Variants in NHS observed in about 807,000 individuals in gnomAD.
NHS encodes the protein actin remodeling regulator NHS.
NHS carries 5 observed loss-of-function variants against 72.5 expected under a neutral mutation model. The ratio of observed to expected loss-of-function variants is 0.07; its 90% CI spans 0.04 to 0.14. The LOEUF is 0.14. Among genes scored for constraint, NHS ranks in the 10% least tolerant of loss-of-function variants. NHS has a pLI of 1.00. For missense variants in NHS, 1,072 were observed against 1,355.7 expected (o/e 0.79, Z 3.29); for synonymous variants, 464 against 547.7 (o/e 0.85, Z 2.13).
At chrX:17,513,125 C>T (rs183060916) in intron 1 of NHS, among the ~76,000 whole-genome samples, 101 of 111,885 alleles carry the variant, frequency 9.0e-4, no homozygotes, top group Non-Finnish European at 1.6e-3. Context: ...CAGATTATTA[C>T]GAGCTGAAGC....
chrX:17,510,246 C>T (rs1374051148), intron 1 of NHS, among the ~76,000 whole-genome samples: 1 of 112,490 alleles, frequency 8.9e-6, no homozygotes, highest in Non-Finnish European at 1.9e-5. Context: ...ATCAAGTGAG[C>T]AGAAAGAGCT....
At position 17,376,289 on chromosome X, in the gene NHS, C is replaced by T; in HGVS notation, c.532C>T (p.Leu178Phe). Residue 178 changes from leucine to phenylalanine, a missense_variant, in exon 1 of 9, where the codon CTC becomes TTC. By Grantham distance (22) the Leu-to-Phe change is conservative. Coordinates refer to ENST00000676302, the MANE Select transcript of NHS (RefSeq NM_001291867.2). The part of the protein sequence containing the change: ...QGKLGGVQRV[L>F]STLDPKQEAV... The stretch of plus-strand genomic sequence containing the variant: ...CAAGCTCGGCGGCGTGCAGCGCGTC[C>T]TCAGCACGCTTGACCCTAAGCAGGA... The T allele has an allele frequency of 4.3e-6, 5 of 1,157,797 alleles. No homozygotes were observed. The highest frequency in any genetic ancestry group is 1.9e-5 in the South Asian group (1 of 52,833).
At chrX:17,547,366 A>G (rs2065298734) in intron 1 of NHS, among the ~76,000 whole-genome samples, 1 of 111,471 alleles carries the variant, frequency 9.0e-6, no homozygotes, top group African/African-American at 3.3e-5. Context: ...TTTTTCGTGT[A>G]TTGAGCATCA....
chrX:17,637,245 A>G (rs189292434), intron 1 of NHS, among the ~76,000 whole-genome samples: 51 of 112,007 alleles, frequency 4.6e-4, no homozygotes, highest in African/African-American at 1.6e-3. Context: ...GTAATGGGAG[A>G]GTACCAAAGA....
At chrX:17,605,467 C>T (rs2065674123) in intron 1 of NHS, among the ~76,000 whole-genome samples, 1 of 111,468 alleles carries the variant, frequency 9.0e-6, no homozygotes, top group African/African-American at 3.3e-5. Flanking sequence ...GCTTCGTTAA[C>T]TTAGATTTTC....
chrX:17,638,000 A>G (rs756673696), intron 1 of NHS, among the ~76,000 whole-genome samples: 95 of 111,901 alleles, frequency 8.5e-4, no homozygotes, highest in Middle Eastern at 4.6e-3. Flanking sequence ...ATGTGACTCA[A>G]ATTTCAGGCT....
At chrX:17,598,462 GA>G (rs1379422760) in intron 1 of NHS, among the ~76,000 whole-genome samples, 1 of 112,222 alleles carries the variant, frequency 8.9e-6, no homozygotes, top group East Asian at 2.8e-4. Flanking sequence ...CCCCCACAAA[GA>G]AAACTTTTAT....
intron 3 of NHS, among the ~76,000 whole-genome samples, chrX:17,710,484 C>T (rs969174686): frequency 8.9e-6 from 1 of 112,572 alleles, no homozygotes; most frequent in Non-Finnish European, 1.9e-5. Context: ...AACACAACAA[C>T]TTGGATGGAT....
chrX:17,547,723 G>T (rs1042408684), intron 1 of NHS, among the ~76,000 whole-genome samples: 4 of 112,639 alleles, frequency 3.6e-5, no homozygotes, highest in Non-Finnish European at 7.5e-5. Context: ...AGGTGTTTCT[G>T]TTATCTCTTG....
intron 1 of NHS, among the ~76,000 whole-genome samples, chrX:17,383,442 G>A (rs1042238382): frequency 1.8e-5 from 2 of 111,786 alleles, no homozygotes; most frequent in African/African-American, 6.5e-5. Flanking sequence ...CCTGAGACTG[G>A]GTAATTTATA....
intron 1 of NHS, among the ~76,000 whole-genome samples, chrX:17,597,919 C>T (rs1015288407): frequency 9.0e-6 from 1 of 111,399 alleles, no homozygotes; most frequent in East Asian, 2.8e-4. Flanking sequence ...CCAGAATGAT[C>T]GCAGGCTCAT....
At chrX:17,475,479 C>T (rs1392347470) in intron 1 of NHS, among the ~76,000 whole-genome samples, 2 of 112,291 alleles carry the variant, frequency 1.8e-5, no homozygotes, top group Non-Finnish European at 3.8e-5. Context: ...CAATTCTTCT[C>T]TGTGTGTCTG....
intron 7 of NHS, 56 bp downstream of exon 7, chrX:17,728,384 A>T: frequency 2.8e-6 from 3 of 1,080,030 alleles, no homozygotes; most frequent in Non-Finnish European, 2.6e-6. Flanking sequence ...ACTTCCTGGA[A>T]TTTTTTCTTA....
At chrX:17,618,417 A>G (rs1466666168) in intron 1 of NHS, among the ~76,000 whole-genome samples, 1 of 111,902 alleles carries the variant, frequency 8.9e-6, no homozygotes, top group East Asian at 2.8e-4. Flanking sequence ...AGCAACTTTC[A>G]TCAGAAAATT....
chrX:17,492,332 T>C (rs1284390039), intron 1 of NHS, among the ~76,000 whole-genome samples: 1 of 112,405 alleles, frequency 8.9e-6, no homozygotes, highest in African/African-American at 3.2e-5. Context: ...TGGTACATTG[T>C]GTCTTTGTTC....
intron 3 of NHS, among the ~76,000 whole-genome samples, chrX:17,703,581 A>G (rs2066278855): frequency 8.9e-6 from 1 of 112,282 alleles, no homozygotes. Flanking sequence ...AGGGATTAAC[A>G]GTGGTCTACA....
intron 1 of NHS, among the ~76,000 whole-genome samples, chrX:17,685,142 C>T (rs892775935): frequency 9.0e-6 from 1 of 111,590 alleles, no homozygotes; most frequent in African/African-American, 3.3e-5. Context: ...CCTGGAAGAG[C>T]TCCATTAGTG....
chrX:17,695,653 C>G (rs981641542), intron 3 of NHS, among the ~76,000 whole-genome samples: 48 of 111,277 alleles, frequency 4.3e-4, no homozygotes, highest in African/African-American at 1.5e-3. Context: ...TTTCAAGGGA[C>G]AAAGTGTCAT....
intron 1 of NHS, among the ~76,000 whole-genome samples, chrX:17,517,972 G>C (rs961432679): frequency 9.0e-6 from 1 of 111,373 alleles, no homozygotes; most frequent in Non-Finnish European, 1.9e-5. Context: ...GTGGGTGATT[G>C]TATCAGTCAG....
Sources: allele counts gnomAD v4.1 joint callset (sites outside exome capture counted in the v4.1 genomes callset), GRCh38; gene constraint gnomAD v4.1.1; transcripts MANE v1.5; gene names NCBI Gene and HGNC (gene_info 2026-07-23, HGNC 2026-07-21).